DCAF8L2: variants seen among roughly 807,000 people sequenced by gnomAD.
DCAF8L2 encodes DDB1 and CUL4 associated factor 8 like 2.
For missense variants in DCAF8L2, 430 were observed against 490.7 expected, an observed-to-expected ratio of 0.88 and a Z score of 1.17; for synonymous variants, 200 against 190.9, an observed-to-expected ratio of 1.05 and a Z score of -0.39.
chrX:27,499,968 T>C, the DCAF8L2 span, among the ~76,000 whole-genome samples: 14 of 112,186 alleles, frequency 1.2e-4, no homozygotes, highest in African/African-American at 4.2e-4. Context: ...TTTTTTAGTT[T>C]AGTGTTGTCC....
intron 2 of DCAF8L2, among the ~76,000 whole-genome samples, chrX:27,666,258 A>G (rs1187864806): frequency 8.0e-5 from 9 of 112,161 alleles, no homozygotes; most frequent in Non-Finnish European, 1.7e-4. Context: ...AGCCTCTAAC[A>G]TTTTAGACAA....
intron 3 of DCAF8L2, among the ~76,000 whole-genome samples, chrX:27,697,609 T>A (rs1355441238): frequency 2.7e-5 from 3 of 111,640 alleles, no homozygotes; most frequent in Non-Finnish European, 5.6e-5. Context: ...TCTACTCTTT[T>A]TATTTTTTTA....
intron 1 of DCAF8L2, among the ~76,000 whole-genome samples, chrX:27,624,820 G>T (rs889421500): frequency 9.0e-6 from 1 of 111,347 alleles, no homozygotes; most frequent in African/African-American, 3.3e-5. Flanking sequence ...AATTGAAATT[G>T]ATCCCTTCCT....
intron 2 of DCAF8L2, among the ~76,000 whole-genome samples, chrX:27,670,612 G>T (rs997273058): frequency 6.3e-5 from 7 of 111,353 alleles, no homozygotes; most frequent in Admixed American, 5.8e-4. Context: ...TCTTGCTATG[G>T]TTCAGACATA....
intron 4 of DCAF8L2, among the ~76,000 whole-genome samples, chrX:27,725,928 T>C (rs73534402): frequency 0.051 from 5,695 of 111,102 alleles, 361 homozygotes; most frequent in African/African-American, 0.18. Context: ...AAATGTTCTT[T>C]CAATTTATTT....
the DCAF8L2 span, among the ~76,000 whole-genome samples, chrX:27,480,289 T>A: frequency 8.9e-6 from 1 of 112,288 alleles, no homozygotes; most frequent in Admixed American, 9.5e-5. Flanking sequence ...TCTGAGAAAA[T>A]TAGAGAATGC....
At chrX:27,503,644 T>G in the DCAF8L2 span, among the ~76,000 whole-genome samples, 1 of 111,383 alleles carries the variant, frequency 9.0e-6, no homozygotes, top group African/African-American at 3.3e-5. Context: ...TTTGTTCCAT[T>G]ATCTATGTGT....
the DCAF8L2 span, among the ~76,000 whole-genome samples, chrX:27,483,544 A>G: frequency 9.0e-6 from 1 of 111,233 alleles, no homozygotes; most frequent in East Asian, 2.8e-4. Flanking sequence ...CAATATTTGA[A>G]TAGCTTTCTT....
At chrX:27,595,684 G>T (rs1163907365) in intron 1 of DCAF8L2, among the ~76,000 whole-genome samples, 3 of 112,059 alleles carry the variant, frequency 2.7e-5, no homozygotes, top group Non-Finnish European at 5.6e-5. Flanking sequence ...GTTCAGGGTT[G>T]TAGCCTCAAG....
chrX:27,481,152 C>A, the DCAF8L2 span, among the ~76,000 whole-genome samples: 1 of 110,527 alleles, frequency 9.0e-6, no homozygotes, highest in Admixed American at 9.8e-5. Flanking sequence ...CCAAGGCGGG[C>A]GGATCACCTG....
the DCAF8L2 span, among the ~76,000 whole-genome samples, chrX:27,570,951 C>T: frequency 1.8e-5 from 2 of 110,918 alleles, no homozygotes; most frequent in African/African-American, 6.6e-5. Context: ...CCAATAAAAC[C>T]TCTTTTGCTT....
chrX:27,739,700 G>C (rs1336103674), intron 4 of DCAF8L2, among the ~76,000 whole-genome samples: 1 of 111,770 alleles, frequency 8.9e-6, no homozygotes, highest in Non-Finnish European at 1.9e-5. Flanking sequence ...TTTTACACTT[G>C]ATGTAAATAA....
intron 1 of DCAF8L2, among the ~76,000 whole-genome samples, chrX:27,626,765 A>G (rs1429367480): frequency 1.8e-5 from 2 of 112,055 alleles, no homozygotes; most frequent in African/African-American, 6.5e-5. Flanking sequence ...GAAATATAGG[A>G]GGCAAAGAAA....
the DCAF8L2 span, among the ~76,000 whole-genome samples, chrX:27,498,027 A>G: frequency 2.7e-5 from 3 of 112,418 alleles, no homozygotes; most frequent in Non-Finnish European, 5.6e-5. Context: ...ATACTATTCC[A>G]TTGTGTGTGT....
chrX:27,558,176 A>G, the DCAF8L2 span, among the ~76,000 whole-genome samples: 1 of 111,487 alleles, frequency 9.0e-6, no homozygotes, highest in African/African-American at 3.3e-5. Flanking sequence ...TACAGTCACA[A>G]TTGCACAAGG....
intron 3 of DCAF8L2, among the ~76,000 whole-genome samples, chrX:27,700,286 T>C (rs1191903869): frequency 9.1e-6 from 1 of 110,049 alleles, no homozygotes; most frequent in East Asian, 2.9e-4. Context: ...TTTGACAGGA[T>C]AGATGAAACT....
chrX:27,514,693 A>AAC, the DCAF8L2 span, among the ~76,000 whole-genome samples: 7 of 76,035 alleles, frequency 9.2e-5, no homozygotes, highest in Non-Finnish European at 1.4e-4. Context: ...AAAAAAAAAA[A>AAC]AACAAAAAAA....
intron 3 of DCAF8L2, among the ~76,000 whole-genome samples, chrX:27,708,622 A>G (rs1285421721): frequency 8.9e-6 from 1 of 112,256 alleles, no homozygotes; most frequent in African/African-American, 3.2e-5. Context: ...GTTTCAAGGA[A>G]TATTTGTACT....
chrX:27,695,251 T>C (rs1357476840), intron 3 of DCAF8L2, among the ~76,000 whole-genome samples: 1 of 112,437 alleles, frequency 8.9e-6, no homozygotes, highest in Non-Finnish European at 1.9e-5. Context: ...AAGAGAAGGC[T>C]AAGGGTGACC....
Sources: allele counts gnomAD v4.1 joint callset (sites outside exome capture counted in the v4.1 genomes callset), GRCh38; gene constraint gnomAD v4.1.1; transcripts MANE v1.5; gene names NCBI Gene and HGNC (gene_info 2026-07-23, HGNC 2026-07-21).